The following STK31 variants were observed in gnomAD, a reference collection of about 807,000 sequenced individuals.
The protein encoded by STK31 is serine/threonine-protein kinase 31.
A neutral mutation model predicts 129.7 loss-of-function variants in STK31; 89 were observed. The ratio of observed to expected loss-of-function variants is 0.69; its 90% confidence interval spans 0.58 to 0.82. The LOEUF is 0.82. Ranked by LOEUF, STK31 falls within the 40% of genes least tolerant of loss-of-function variation. STK31 has a pLI of 0.00. For synonymous variants in STK31, 448 were observed against 395.3 expected, an observed-to-expected ratio of 1.13 and a Z score of -1.58; for missense variants, 1,187 against 1,176.4, an observed-to-expected ratio of 1.01 and a Z score of -0.13.
At chr7:23,768,876 T>C in intron 11 of STK31, 119 bp from the exon 12 acceptor site, 3 of 838,172 alleles carry the variant, frequency 3.6e-6, no homozygotes, top group Non-Finnish European at 5.2e-6. Flanking sequence ...GTTGTATTTA[T>C]GAAATTCTCA....
intron 5 of STK31, 52 bp from the exon 6 acceptor site, chr7:23,729,039 G>T: frequency 6.8e-7 from 1 of 1,468,386 alleles, no homozygotes; most frequent in South Asian, 1.5e-5. Context: ...TGGTTTCTTT[G>T]GAAACATTTA....
chr7:23,805,066 C>T (rs1401002413), intron 22 of STK31, among the ~76,000 whole-genome samples: 4 of 149,290 alleles, frequency 2.7e-5, no homozygotes, highest in Non-Finnish European at 4.4e-5. Context: ...CATTCTTTCT[C>T]ATTTCTCTCT....
Position 23,772,251 on chromosome 7 carries a change from A to G in STK31, c.1938A>G (p.Lys646=). The G allele has an allele frequency of 6.2e-7, 1 of 1,606,702 alleles. No homozygotes were observed. Among genetic ancestry groups the G allele is most frequent in the African/African-American group, 1.3e-5 (1 of 74,600 alleles). The change falls in exon 15 of 24, where the codon AAA becomes AAG. Residue 646 remains lysine, a synonymous_variant. Transcript: ENST00000355870. ...GCTTAAAAGCTCTACTCAGATGGAA[A>G]TTGGTTGAAAAGAGTAATTTGGAAG... is the stretch of plus-strand genomic sequence containing the variant. ...LKSLKALLRW[K]LVEKSNLEES...
chr7:23,739,157 A>T (rs1188952034), intron 8 of STK31, among the ~76,000 whole-genome samples: 1 of 152,122 alleles, frequency 6.6e-6, no homozygotes. Context: ...TGACTTTTTA[A>T]TGATCGCCAT....
At chr7:23,828,801 A>G (rs1794352960) in intron 23 of STK31, among the ~76,000 whole-genome samples, 2 of 152,220 alleles carry the variant, frequency 1.3e-5, no homozygotes, top group South Asian at 2.1e-4. Context: ...TGTTCTGACT[A>G]GGACTTCCAG....
chr7:23,784,922 A>G (rs559225620), intron 17 of STK31, among the ~76,000 whole-genome samples: 11 of 152,206 alleles, frequency 7.2e-5, no homozygotes, highest in Admixed American at 3.3e-4. Context: ...TTTTTGGACT[A>G]ATCTTTCCCA....
At chr7:23,771,252 G>A in intron 14 of STK31, 128 bp downstream of exon 14, 1 of 849,578 alleles carries the variant, frequency 1.2e-6, no homozygotes, top group Non-Finnish European at 1.7e-6. Context: ...ACTGTCAACT[G>A]GAAATGGTGA....
In STK31 at chr7:23,810,976, TA is replaced by T. The variant is rs1793098598; in HGVS notation, c.2761-4167del. 6.7e-5 allele frequency among the ~76,000 whole-genome samples: 10 copies of T among 148,588 alleles called. No homozygotes were observed. In the South Asian group the frequency reaches 1.7e-3, roughly 25 times the overall value. Reference sequence around the variant, plus strand: ...ACACACACACACCTACATGATGTCTTATTTTTTTTAAACAACACCTGTACTC... The same window carrying T: ...ACACACACACACCTACATGATGTCTTTTTTTTTTAAACAACACCTGTACTC... On this transcript the variant is annotated intron_variant, in intron 22 of 23. Coordinates refer to ENST00000355870, the MANE Select transcript of STK31 (RefSeq NM_031414.5).
rs767589382 is a variant in STK31 at position 23,826,554 on chromosome 7, T to C, written c.2830-5582T>C. Among the ~76,000 whole-genome samples, 5 of 152,374 alleles carry C rather than the reference T, an allele frequency of 3.3e-5. No homozygotes were observed. The South Asian group carries it at 1.0e-3, about 32-fold the overall frequency. ...TGATGGGTCTTGACTCTTTATCCAG[T>C]TTGCCAGTCTGTGCCTTTTAATTGA... On this transcript the variant is annotated intron_variant, in intron 23 of 23. Transcript: ENST00000355870.
intron 6 of STK31, among the ~76,000 whole-genome samples, chr7:23,730,044 T>G (rs1427650032): frequency 6.6e-6 from 1 of 152,192 alleles, no homozygotes; most frequent in Non-Finnish European, 1.5e-5. Context: ...TAGTTTATAT[T>G]ACTTTCCATT....
chr7:23,815,103 T>G (rs1448361794), intron 22 of STK31, 41 bp from the exon 23 acceptor site: 3 of 1,469,786 alleles, frequency 2.0e-6, no homozygotes, highest in Middle Eastern at 3.9e-4. Context: ...ATTGGCGTAT[T>G]AATACATTGG....
At chr7:23,831,714 C>G (rs190862121) in intron 23 of STK31, among the ~76,000 whole-genome samples, 19 of 152,192 alleles carry the variant, frequency 1.2e-4, no homozygotes, top group Admixed American at 3.3e-4. Context: ...TGAATTATTT[C>G]TTTTATTTGT....
chr7:23,751,045 C>T (rs968753823), intron 8 of STK31, among the ~76,000 whole-genome samples: 1 of 152,172 alleles, frequency 6.6e-6, no homozygotes, highest in Non-Finnish European at 1.5e-5. Flanking sequence ...TCCTTCCTAG[C>T]CTCTGGTATC....
At chr7:23,726,616 CAAAA>C (rs768158362) in intron 4 of STK31, among the ~76,000 whole-genome samples, 1 of 108,478 alleles carries the variant, frequency 9.2e-6, no homozygotes, top group African/African-American at 3.4e-5. Context: ...GACCCTGTCT[CAAAA>C]AAAAAAAAAG....
intron 4 of STK31, among the ~76,000 whole-genome samples, chr7:23,726,566 A>ATGAC (rs1399858914): frequency 1.3e-5 from 2 of 151,234 alleles, no homozygotes; most frequent in Non-Finnish European, 2.9e-5. Context: ...GCAGAGAGCC[A>ATGAC]TGACTGCTGC....
At position 23,772,185 on chromosome 7, in the gene STK31, C is replaced by A; in HGVS notation, c.1872C>A (p.Pro624=). The A allele has an allele frequency of 1.3e-6, 2 of 1,599,894 alleles. No individual in the cohort carries two copies. Among genetic ancestry groups the A allele is most frequent in the Non-Finnish European group, 1.7e-6 (2 of 1,172,746 alleles). Residue 624 remains proline (P), a synonymous_variant, in exon 15 of 24, where the codon CCC becomes CCA. Transcript: ENST00000355870. Reference sequence around the variant, plus strand: ...TTATTGAATATTTAAATAAGAGTCCCAGTGTGGATCACTTGCTATCCATTA... The same window carrying A: ...TTATTGAATATTTAAATAAGAGTCCAAGTGTGGATCACTTGCTATCCATTA... ...KQLIEYLNKS[P]SVDHLLSIKK... is the part of the protein sequence containing the mutation.
At chr7:23,830,566 C>A (rs1794480061) in intron 23 of STK31, among the ~76,000 whole-genome samples, 1 of 149,136 alleles carries the variant, frequency 6.7e-6, no homozygotes, top group Non-Finnish European at 1.5e-5. Flanking sequence ...AGTGGTCATT[C>A]AGCAGCACGT....
chr7:23,719,851 A>C (rs4722260), intron 4 of STK31, among the ~76,000 whole-genome samples: 117,155 of 151,966 alleles, frequency 0.77, 46,098 homozygotes, highest in South Asian at 0.9. Context: ...ATATAATAAT[A>C]CTTTCACTAT....
intron 23 of STK31, 83 bp from the exon 24 acceptor site, chr7:23,832,053 T>G (rs1429333973): frequency 2.1e-6 from 2 of 953,958 alleles, no homozygotes; most frequent in Non-Finnish European, 3.2e-6. Context: ...ACTGTATTTA[T>G]TGAAAAAATA....
Sources: allele counts gnomAD v4.1 joint callset (sites outside exome capture counted in the v4.1 genomes callset), GRCh38; gene constraint gnomAD v4.1.1; transcripts MANE v1.5; gene names NCBI Gene and HGNC (gene_info 2026-07-23, HGNC 2026-07-21).